Variants in NUP160 observed in about 807,000 individuals in gnomAD.
NUP160 encodes the protein nuclear pore complex protein Nup160.
A neutral mutation model predicts 196.9 loss-of-function variants in NUP160; 94 were observed. The observed-to-expected ratio is 0.48, with a 90% CI of 0.40 to 0.57. The LOEUF is 0.57. Ranked by LOEUF, NUP160 falls within the 20% of genes least tolerant of loss-of-function variation. The probability of loss-of-function intolerance (pLI) is 0.00; values close to 1 mark genes in which losing one functional copy is unlikely to be tolerated. For synonymous variants in NUP160, 605 were observed against 619.7 expected (o/e 0.98, Z 0.35); for missense variants, 1,638 against 1,748.3 (o/e 0.94, Z 1.13).
chr11:47,841,604 C>T lies in NUP160; in HGVS notation c.315-1016G>A, dbSNP rs545005428. On this transcript the variant is annotated intron_variant, in intron 2 of 35. Transcript: ENST00000378460. ...TTGCCACCGAAGACAGCCAGTGTTACAAGGAAGGCCATGTGATCCTGGAAC... is the reference window on the plus strand; with the variant it reads ...TTGCCACCGAAGACAGCCAGTGTTATAAGGAAGGCCATGTGATCCTGGAAC... The T allele has an allele frequency of 3.4e-4, 147 of 430,540 alleles. 1 individual carries two copies. The highest frequency in any genetic ancestry group is 2.4e-3 in the African/African-American group (116 of 47,664). 26.7% of individuals were successfully genotyped at this position (430,540 alleles called of 1,614,324 possible).
intron 2 of NUP160, among the ~76,000 whole-genome samples, chr11:47,842,449 C>T (rs768587219): frequency 1.3e-5 from 2 of 152,130 alleles, no homozygotes; most frequent in African/African-American, 4.8e-5. Context: ...CTGGATCTCC[C>T]GTGAGGACAG....
intron 21 of NUP160, among the ~76,000 whole-genome samples, chr11:47,803,963 C>T (rs192238933): frequency 3.3e-5 from 5 of 152,034 alleles, no homozygotes; most frequent in East Asian, 3.9e-4. Context: ...GGTGGATCAC[C>T]TGAGGTCAGG....
chr11:47,800,008 C>T (rs560695635), intron 23 of NUP160, among the ~76,000 whole-genome samples: 18 of 152,188 alleles, frequency 1.2e-4, no homozygotes, highest in Non-Finnish European at 1.8e-4. Context: ...AATCCCAGCA[C>T]TTTGGGAGGC....
intron 11 of NUP160, 96 bp downstream of exon 11, chr11:47,817,960 A>C (rs1851772050): frequency 7.7e-6 from 5 of 652,606 alleles, no homozygotes; most frequent in Non-Finnish European, 1.3e-5. Flanking sequence ...ACAGAAGTAC[A>C]TTCAGTGTTT....
In NUP160 at chr11:47,804,850, T is replaced by C. The variant is rs368059223; in HGVS notation, c.2607-232A>G. ...TCAGATAACTATGGAATAAAGCATCTATTTCACCAGGCACGGTGGCTCACT... is the reference window on the plus strand; with the variant it reads ...TCAGATAACTATGGAATAAAGCATCCATTTCACCAGGCACGGTGGCTCACT... On this transcript the variant is annotated intron_variant, in intron 20 of 35. Transcript: ENST00000378460. 3.9e-5 allele frequency among the ~76,000 whole-genome samples: 6 copies of C among 152,192 alleles called. No individual in the cohort carries two copies. In the East Asian group the frequency reaches 1.2e-3, roughly 29 times the overall value.
At position 47,813,422 on chromosome 11, in the gene NUP160, A is replaced by T; in HGVS notation, c.1687-7T>A. ...TAAGGAAAGACAGGTACCCCTGGAA[A>T]TACAAATTTTCCAGTTACATTTTTG... On this transcript the variant is annotated splice_polypyrimidine_tract_variant and splice_region_variant and intron_variant, in intron 13 of 35. Transcript: ENST00000378460. 6.4e-7 allele frequency: 1 copy of T among 1,574,146 alleles called. No homozygotes were observed. The highest frequency in any genetic ancestry group is 1.1e-5 in the South Asian group (1 of 89,530).
chr11:47,780,418 C>G (rs547424668), exon 35 of NUP160: 10 of 1,613,622 alleles, frequency 6.2e-6, no homozygotes, highest in Non-Finnish European at 6.8e-6. Flanking sequence ...ATGGAAGCCA[C>G]ACCATTGGGG....
intron 32 of NUP160, among the ~76,000 whole-genome samples, chr11:47,785,752 G>C (rs2097664148): frequency 6.6e-6 from 1 of 152,148 alleles, no homozygotes; most frequent in Non-Finnish European, 1.5e-5. Context: ...TAGAAGACTA[G>C]GGTGATTTCT....
chr11:47,798,303 G>T, intron 24 of NUP160, 41 bp from the exon 25 acceptor site: 1 of 1,540,062 alleles, frequency 6.5e-7, no homozygotes, highest in Non-Finnish European at 9.0e-7. Flanking sequence ...AAGAGCAATA[G>T]AAATGAACAT....
chr11:47,801,795 C>G lies in NUP160; in HGVS notation c.2895+16G>C, dbSNP rs369790346. ...TTACACAGGGTGGTATAAGGCCAAA[C>G]CAAGACATGATGTACCTTGTCATAA... On this transcript the variant is annotated intron_variant, in intron 23 of 35. Coordinates refer to ENST00000378460, the Ensembl canonical transcript of NUP160. 1.2e-6 allele frequency: 2 copies of G among 1,612,236 alleles called. No individual in the cohort carries two copies. The highest frequency in any genetic ancestry group is 2.7e-5 in the African/African-American group (2 of 74,816).
intron 32 of NUP160, among the ~76,000 whole-genome samples, chr11:47,785,424 C>T: frequency 6.6e-6 from 1 of 152,100 alleles, no homozygotes; most frequent in Non-Finnish European, 1.5e-5. Context: ...AGTCACCATG[C>T]CCAGCCTTAC....
At chr11:47,846,902 GCTCCCCTCC>G (rs1378993853) in intron 2 of NUP160, among the ~76,000 whole-genome samples, 2 of 152,052 alleles carry the variant, frequency 1.3e-5, no homozygotes, top group Non-Finnish European at 2.9e-5. Flanking sequence ...TCCAACCTTT[GCTCCCCTCC>G]CTCCCTCCTT....
In NUP160 at chr11:47,835,818, GA is replaced by G; in HGVS notation, c.943-10del. ...ATTAGGCACATTTGCTCCTGTCCAA[GA>G]AAATAGTTAATAGGTGATATTCAAG... On this transcript the variant is annotated splice_polypyrimidine_tract_variant and intron_variant, in intron 6 of 35. Coordinates refer to ENST00000378460, the Ensembl canonical transcript of NUP160. 1 of 1,564,420 alleles carries G rather than the reference GA, an allele frequency of 6.4e-7. No homozygotes were observed. Among genetic ancestry groups the G allele is most frequent in the Non-Finnish European group, 8.6e-7 (1 of 1,156,486 alleles).
At chr11:47,822,033 T>C (rs1851868375) in intron 8 of NUP160, 54 bp downstream of exon 8, 1 of 1,204,734 alleles carries the variant, frequency 8.3e-7, no homozygotes, top group African/African-American at 1.5e-5. Context: ...ACAGAGTTAG[T>C]CAATACTTCT....
At chr11:47,823,456 G>A (rs1427910176) in intron 7 of NUP160, among the ~76,000 whole-genome samples, 1 of 152,134 alleles carries the variant, frequency 6.6e-6, no homozygotes, top group Non-Finnish European at 1.5e-5. Context: ...TATTATTTGT[G>A]TTTTTGTGAC....
intron 7 of NUP160, among the ~76,000 whole-genome samples, chr11:47,832,725 GGTCTCCTGT>G: frequency 6.6e-6 from 1 of 152,138 alleles, no homozygotes; most frequent in Non-Finnish European, 1.5e-5. Context: ...GTAAAACTCC[GGTCTCCTGT>G]TTAGCTGGCT....
At chr11:47,841,354 G>T in intron 2 of NUP160, 1 of 394,560 alleles carries the variant, frequency 2.5e-6, no homozygotes, top group South Asian at 3.1e-5. Flanking sequence ...TCATATTCGT[G>T]GTACCTGTCC....
chr11:47,821,607 G>C, intron 9 of NUP160, 117 bp downstream of exon 9: 1 of 716,060 alleles, frequency 1.4e-6, no homozygotes, highest in South Asian at 1.8e-5. Flanking sequence ...TGATTTGCCT[G>C]CCTCGGCCTC....
rs2097662206 is a variant in NUP160 at position 47,782,778 on chromosome 11, C to A, written c.4116+295G>T. Among the ~76,000 whole-genome samples the A allele has an allele frequency of 1.3e-5, 2 of 152,094 alleles. 1 individual carries two copies. Among genetic ancestry groups the A allele is most frequent in the Non-Finnish European group, 2.9e-5 (2 of 68,024 alleles). On this transcript the variant is annotated intron_variant, in intron 34 of 35. Coordinates refer to ENST00000378460, the Ensembl canonical transcript of NUP160. Reference sequence around the variant, plus strand: ...GGTTCAAGCGATTCTCCTGCCTCAGCCTCCTGAGTAGCTGGGATTACAGGT... The same window carrying A: ...GGTTCAAGCGATTCTCCTGCCTCAGACTCCTGAGTAGCTGGGATTACAGGT...
Sources: allele counts gnomAD v4.1 joint callset (sites outside exome capture counted in the v4.1 genomes callset), GRCh38; gene constraint gnomAD v4.1.1; transcripts MANE v1.5; gene names NCBI Gene and HGNC (gene_info 2026-07-23, HGNC 2026-07-21).